Variants in NOTCH2 observed in about 807,000 individuals in gnomAD.
NOTCH2 encodes notch receptor 2, also known as neurogenic locus notch homolog protein 2.
Under a neutral mutation model 235.8 loss-of-function variants are expected in NOTCH2, and 29 were observed. That is an observed-to-expected ratio of 0.12 (90% CI 0.09 to 0.17). The LOEUF (loss-of-function observed/expected upper bound fraction) is 0.17. Among genes scored for constraint, NOTCH2 ranks in the 10% least tolerant of loss-of-function variants. The pLI is 1.00. For missense variants in NOTCH2, 2,285 were observed against 3,150.2 expected (o/e 0.73, Z 6.57); for synonymous variants, 1,086 against 1,141.5 (o/e 0.95, Z 0.98).
At chr1:119,937,614 AT>A in intron 20 of NOTCH2, 148 bp from the exon 21 acceptor site, 1 of 835,890 alleles carries the variant, frequency 1.2e-6, no homozygotes, top group Non-Finnish European at 1.9e-6. Flanking sequence ...CCAGATGCAT[AT>A]TAAAAATAAA....
At chr1:119,938,476 C>A (rs910877711) in intron 19 of NOTCH2, among the ~76,000 whole-genome samples, 6 of 152,114 alleles carry the variant, frequency 3.9e-5, no homozygotes, top group African/African-American at 1.4e-4. Context: ...TGAGTAATAG[C>A]AGTCCTAGTG....
chr1:119,961,058 CT>C (rs762148085), intron 11 of NOTCH2, among the ~76,000 whole-genome samples: 132 of 152,264 alleles, frequency 8.7e-4, no homozygotes, highest in Non-Finnish European at 1.5e-3. Flanking sequence ...TGTAAGTTTT[CT>C]CTAACCCTGT....
intron 29 of NOTCH2, 112 bp downstream of exon 29, chr1:119,921,601 T>A (rs1438843326): frequency 2.1e-5 from 18 of 876,466 alleles, no homozygotes; most frequent in Non-Finnish European, 3.5e-5. Context: ...GGGTAAGACA[T>A]CAAGACTATC....
At chr1:119,932,250 T>C (rs1649689919) in intron 22 of NOTCH2, among the ~76,000 whole-genome samples, 1 of 152,074 alleles carries the variant, frequency 6.6e-6, no homozygotes, top group African/African-American at 2.4e-5. Context: ...CTGGTTAAAA[T>C]ATGGTATGCC....
intron 3 of NOTCH2, among the ~76,000 whole-genome samples, chr1:120,001,516 C>T (rs1196775379): frequency 9.2e-5 from 14 of 152,200 alleles, no homozygotes; most frequent in Non-Finnish European, 1.8e-4. Flanking sequence ...GCTGACCTGG[C>T]TACTGCCACT....
At position 119,915,749 on chromosome 1, in the gene NOTCH2, G is replaced by T; in HGVS notation, c.6973C>A (p.Gln2325Lys). ...GCAACAGCTGGAGGGCAGGTGGACT[G>T]AGGCTGGGGAGCCCCCGCTGGTTGG... ...IAQPAGAPQPQSTCPPAVAGP... is the reference protein window; with the variant it reads ...IAQPAGAPQPKSTCPPAVAGP... The change falls in exon 34 of 34, where the codon CAG becomes AAG. Residue 2325 changes from glutamine (Q) to lysine (K), a missense_variant. Around this residue, in one of 6 missense-constraint regions of NOTCH2, gnomAD observed 504 missense variants for 538.0 expected, o/e 0.94. Coordinates refer to ENST00000256646, the MANE Select transcript of NOTCH2 (RefSeq NM_024408.4). 1.2e-6 allele frequency: 2 copies of T among 1,607,856 alleles called. No individual in the cohort carries two copies. Among genetic ancestry groups the T allele is most frequent in the Non-Finnish European group, 1.7e-6 (2 of 1,175,738 alleles).
intron 10 of NOTCH2, among the ~76,000 whole-genome samples, chr1:119,964,769 A>G (rs782475354): frequency 2.2e-4 from 33 of 152,222 alleles, no homozygotes; most frequent in Non-Finnish European, 4.1e-4. Flanking sequence ...TTCACTTCTA[A>G]TAATTTCTAG....
chr1:119,941,553 T>C lies in NOTCH2; in HGVS notation c.2954A>G (p.Glu985Gly). The change falls in exon 18 of 34, where the codon GAG becomes GGG. Residue 985 changes from glutamate to glycine, a missense_variant. This residue lies in a region of NOTCH2 where 1,173 missense variants were observed against 1,515.3 expected (regional missense o/e 0.77). Transcript: ENST00000256646. ...CQAGFDGVHC[E>G]NNINECTESS... is the part of the protein sequence containing the mutation. ...CTCAGTGCACTCATTGATGTTGTTC[T>C]CACAATGGACTCCATCAAATCCTGC... 2 of 1,613,994 alleles carry C rather than the reference T, an allele frequency of 1.2e-6. No individual in the cohort carries two copies. Among genetic ancestry groups the C allele is most frequent in the Non-Finnish European group, 1.7e-6 (2 of 1,179,854 alleles).
intron 3 of NOTCH2, among the ~76,000 whole-genome samples, chr1:119,999,919 G>A (rs1270874559): frequency 1.9e-5 from 1 of 51,868 alleles, no homozygotes; most frequent in South Asian, 7.5e-4. Flanking sequence ...GAAAGAGAGA[G>A]AAAGAAAGAA....
intron 2 of NOTCH2, among the ~76,000 whole-genome samples, chr1:120,010,980 C>T (rs587689976): frequency 6.6e-6 from 1 of 152,228 alleles, no homozygotes; most frequent in African/African-American, 2.4e-5. Context: ...CATGCATGAA[C>T]CTTGAAAACA....
chr1:119,973,490 G>A (rs1364296222), intron 5 of NOTCH2, among the ~76,000 whole-genome samples: 1 of 152,176 alleles, frequency 6.6e-6, no homozygotes, highest in Non-Finnish European at 1.5e-5. Flanking sequence ...CACACGGTTG[G>A]TGAGTGAGAG....
intron 17 of NOTCH2, among the ~76,000 whole-genome samples, chr1:119,942,198 CTCTT>C (rs1455860341): frequency 4.6e-5 from 7 of 152,134 alleles, no homozygotes; most frequent in South Asian, 2.1e-4. Context: ...TCCTCTCTCT[CTCTT>C]TTTCTCTCTC....
At chr1:120,023,436 CA>C (rs1404842852) in intron 2 of NOTCH2, among the ~76,000 whole-genome samples, 2 of 138,472 alleles carry the variant, frequency 1.4e-5, no homozygotes, top group Admixed American at 7.3e-5. Flanking sequence ...GACTCTGTCT[CA>C]AAAAAAAACA....
In NOTCH2 at chr1:119,940,765, C is replaced by A. The variant is rs2101104058; in HGVS notation, c.2982-9G>T. 1 of 1,612,060 alleles carries A rather than the reference C, an allele frequency of 6.2e-7. No individual in the cohort carries two copies. The highest frequency in any genetic ancestry group is 1.3e-5 in the African/African-American group (1 of 74,976). On this transcript the variant is annotated splice_polypyrimidine_tract_variant and intron_variant, in intron 18 of 33. Coordinates refer to ENST00000256646, the MANE Select transcript of NOTCH2 (RefSeq NM_024408.4). ...CACCATTGAAACAGGAGCTAAGAAG[C>A]AAACAGAGCAACATCAGCTATGTAT... is the stretch of plus-strand genomic sequence containing the variant.
At chr1:120,047,958 G>C (rs1180174931) in intron 1 of NOTCH2, among the ~76,000 whole-genome samples, 1 of 149,150 alleles carries the variant, frequency 6.7e-6, no homozygotes, top group Non-Finnish European at 1.5e-5. Context: ...CGTAGAGACG[G>C]GGTTTTGCCA....
At chr1:119,924,914 A>G (rs1649418846) in intron 25 of NOTCH2, among the ~76,000 whole-genome samples, 1 of 152,254 alleles carries the variant, frequency 6.6e-6, no homozygotes, top group Non-Finnish European at 1.5e-5. Context: ...ATGCTTCCTG[A>G]TAAATCTAGA....
Position 119,925,396 on chromosome 1 carries a change from C to A in NOTCH2, c.4420G>T (p.Asp1474Tyr), listed in dbSNP as rs759078477. The A allele has an allele frequency of 5.6e-6, 9 of 1,614,210 alleles. No homozygotes were observed. The Admixed American group carries it at 1.5e-4, about 27-fold the overall frequency. Residue 1474 changes from aspartate (D) to tyrosine (Y), a missense_variant, in exon 25 of 34, where the codon GAT becomes TAT. Around this residue, in one of 6 missense-constraint regions of NOTCH2, gnomAD observed 1,173 missense variants for 1,515.3 expected, o/e 0.77. Coordinates refer to ENST00000256646, the MANE Select transcript of NOTCH2 (RefSeq NM_024408.4). ...TCATCACACTGGTTGTTGATATAATCCCAGCAGGGAAGTGGGGAGGAGCAG... is the reference window on the plus strand; with the variant it reads ...TCATCACACTGGTTGTTGATATAATACCAGCAGGGAAGTGGGGAGGAGCAG... ...ANCSSPLPCW[D>Y]YINNQCDELC...
At chr1:119,973,902 A>G (rs1236315399) in intron 5 of NOTCH2, among the ~76,000 whole-genome samples, 1 of 152,188 alleles carries the variant, frequency 6.6e-6, no homozygotes, top group African/African-American at 2.4e-5. Flanking sequence ...GGGTTTTAGA[A>G]GAAGAAAAAG....
Position 119,968,209 on chromosome 1 carries a change from C to T in NOTCH2, c.1132G>A (p.Ala378Thr), listed in dbSNP as rs1370519910. The change falls in exon 7 of 34, where the codon GCA becomes ACA. Residue 378 changes from alanine (A) to threonine (T), a missense_variant. Transcript: ENST00000256646. ...TTGTGGCAAGGATTGCTGATGCATG[C>T]ATCATCCAGATGACACAGGAGACCT... ...KAGLLCHLDD[A>T]CISNPCHKGA... is the part of the protein sequence containing the mutation. 1.2e-6 allele frequency: 2 copies of T among 1,613,856 alleles called. No homozygotes were observed. Among genetic ancestry groups the T allele is most frequent in the Non-Finnish European group, 1.7e-6 (2 of 1,179,942 alleles).
Sources: gnomAD v4.1 joint callset for allele counts (sites outside exome capture counted in the v4.1 genomes callset) on GRCh38, gnomAD v4.1.1 for gene constraint, gnomAD v4.1.1 regional missense constraint, MANE v1.5 for transcripts, NCBI Gene and HGNC (gene_info 2026-07-23, HGNC 2026-07-21) for gene names.